Variants in GALNT16 observed in about 807,000 individuals in gnomAD.
GALNT16 encodes the protein UDP-GalNAc:polypeptide N-acetylgalactosaminyltransferase-like protein 1.
Under a neutral mutation model 76.1 loss-of-function variants are expected in GALNT16, and 40 were observed. The ratio of observed to expected loss-of-function variants is 0.53; its 90% confidence interval spans 0.41 to 0.68. GALNT16 has a LOEUF of 0.68. GALNT16 is among the 30% of genes least tolerant of loss of function. The probability of loss-of-function intolerance (pLI) is 0.00; values close to 1 mark genes in which losing one functional copy is unlikely to be tolerated. For missense variants in GALNT16, 621 were observed against 731.9 expected, an observed-to-expected ratio of 0.85 and a Z score of 1.75; for synonymous variants, 276 against 285.2, an observed-to-expected ratio of 0.97 and a Z score of 0.32.
the GALNT16 span, among the ~76,000 whole-genome samples, chr14:69,378,944 T>C: frequency 6.6e-6 from 1 of 152,004 alleles, no homozygotes; most frequent in Non-Finnish European, 1.5e-5. Context: ...TAGCTTTATT[T>C]ATTTTTTTTT....
At chr14:69,369,085 G>A in the GALNT16 span, among the ~76,000 whole-genome samples, 3 of 152,190 alleles carry the variant, frequency 2.0e-5, no homozygotes, top group African/African-American at 7.2e-5. Flanking sequence ...ACGAGAGAAT[G>A]ATGACTGACT....
intron 1 of GALNT16, among the ~76,000 whole-genome samples, chr14:69,314,237 G>A (rs2045069245): frequency 6.6e-6 from 1 of 152,220 alleles, no homozygotes; most frequent in East Asian, 1.9e-4. Context: ...TTATGTGCCA[G>A]GCACTGTGCA....
intron 1 of GALNT16, among the ~76,000 whole-genome samples, chr14:69,279,077 G>A (rs541097845): frequency 2.4e-4 from 37 of 152,040 alleles, no homozygotes; most frequent in East Asian, 2.1e-3. Context: ...GATTACAGGC[G>A]CTCGCCACCA....
At chr14:69,380,650 GA>G in the GALNT16 span, 2 of 1,544,978 alleles carry the variant, frequency 1.3e-6, no homozygotes, top group Non-Finnish European at 1.8e-6. Flanking sequence ...ACTGAGGAGA[GA>G]AAGGGAATAA....
intron 1 of GALNT16, among the ~76,000 whole-genome samples, chr14:69,316,076 G>T (rs917852000): frequency 6.6e-6 from 1 of 152,218 alleles, no homozygotes; most frequent in Non-Finnish European, 1.5e-5. Flanking sequence ...GATTGGCCTA[G>T]CCAGGGTCTT....
rs138850368 is a variant in GALNT16, at chr14:69,325,963, G to A, written c.504G>A (p.Pro168=). 3.2e-4 allele frequency: 511 copies of A among 1,613,640 alleles called. 1 individual carries two copies. Among genetic ancestry groups the A allele is most frequent in the South Asian group, 4.9e-4 (45 of 91,072 alleles). Reference sequence around the variant, plus strand: ...TTGCCTTCCTCTTTGCATCCTCAGCGGAAGACTGTCTACTCCTGACCAGGA... The same window carrying A: ...TTGCCTTCCTCTTTGCATCCTCAGCAGAAGACTGTCTACTCCTGACCAGGA... The part of the protein sequence containing the change: ...IILVDDFSSD[P]EDCLLLTRIP... The change falls in exon 5 of 15, where the codon CCG becomes CCA. Residue 168 remains proline (P), a splice_region_variant and synonymous_variant. Coordinates refer to ENST00000448469, the MANE Select transcript of GALNT16 (RefSeq NM_001168368.2).
At chr14:69,339,781 G>T (rs567062401) in intron 11 of GALNT16, among the ~76,000 whole-genome samples, 162 bp downstream of exon 11, 2 of 152,226 alleles carry the variant, frequency 1.3e-5, no homozygotes, top group African/African-American at 4.8e-5. Flanking sequence ...GAATGCAACC[G>T]CAGAGACAAG....
chr14:69,360,834 T>C (rs945710597), downstream of GALNT16, among the ~76,000 whole-genome samples: 1 of 152,258 alleles, frequency 6.6e-6, no homozygotes, highest in Non-Finnish European at 1.5e-5. Context: ...GCCACTGTTC[T>C]GGTGACTGAG....
chr14:69,329,085 C>A (rs1055116079), intron 6 of GALNT16, among the ~76,000 whole-genome samples: 1 of 152,138 alleles, frequency 6.6e-6, no homozygotes, highest in African/African-American at 2.4e-5. Context: ...GGGCCTGGAG[C>A]GGTGGCTCAC....
At position 69,261,352 on chromosome 14, in the gene GALNT16, G is replaced by C. The variant is rs1283536944; in HGVS notation, c.177+885G>C. Among the ~76,000 whole-genome samples, 1 of 152,202 alleles carries C rather than the reference G, an allele frequency of 6.6e-6. No homozygotes were observed. Among genetic ancestry groups the C allele is most frequent in the Non-Finnish European group, 1.5e-5 (1 of 68,034 alleles). ...CAGGTGACAGAGCTGTGCGTGGCCA[G>C]GCAGGGGCACCTGTTGAGGCGGGAG... On this transcript the variant is annotated intron_variant, in intron 1 of 14. Coordinates refer to ENST00000448469, the MANE Select transcript of GALNT16 (RefSeq NM_001168368.2). This position sits in a 1 kb window ranked among gnomAD's most constrained non-coding sequence, Gnocchi z 6.4.
At chr14:69,320,161 C>T (rs1018005601) in intron 1 of GALNT16, among the ~76,000 whole-genome samples, 1 of 152,226 alleles carries the variant, frequency 6.6e-6, no homozygotes, top group Non-Finnish European at 1.5e-5. Flanking sequence ...TAAATCCAGA[C>T]CTTGTGACTT....
chr14:69,359,243 A>T (rs1193700220), downstream of GALNT16: 1 of 152,250 alleles, frequency 6.6e-6, no homozygotes, highest in Non-Finnish European at 1.5e-5. Context: ...ACAGCACAGA[A>T]CCTGCTTCTC....
At chr14:69,375,593 C>T in the GALNT16 span, among the ~76,000 whole-genome samples, 1 of 152,134 alleles carries the variant, frequency 6.6e-6, no homozygotes, top group Non-Finnish European at 1.5e-5. Context: ...ATCCTATCTT[C>T]TTTTGGATTC....
chr14:69,272,475 A>T (rs1287611657), intron 1 of GALNT16, among the ~76,000 whole-genome samples: 1 of 152,202 alleles, frequency 6.6e-6, no homozygotes, highest in Non-Finnish European at 1.5e-5. Flanking sequence ...TACATATATG[A>T]CAGTGGTCCC....
At chr14:69,371,127 A>T in the GALNT16 span, among the ~76,000 whole-genome samples, 1 of 152,232 alleles carries the variant, frequency 6.6e-6, no homozygotes, top group South Asian at 2.1e-4. Context: ...GTTGAACAAG[A>T]TTCCTTGCCT....
At chr14:69,338,583 C>T in intron 9 of GALNT16, 68 bp from the exon 10 acceptor site, 1 of 1,587,412 alleles carries the variant, frequency 6.3e-7, no homozygotes, top group Non-Finnish European at 8.6e-7. Flanking sequence ...GGAAGGGAAG[C>T]CAGCCCCTTC....
At chr14:69,311,821 G>A (rs2045024511) in intron 1 of GALNT16, among the ~76,000 whole-genome samples, 1 of 152,176 alleles carries the variant, frequency 6.6e-6, no homozygotes, top group African/African-American at 2.4e-5. Flanking sequence ...ACCTCAGTTG[G>A]TGGGGCAGAA....
At chr14:69,337,845 C>T (rs1324159131) in intron 9 of GALNT16, among the ~76,000 whole-genome samples, 1 of 152,122 alleles carries the variant, frequency 6.6e-6, no homozygotes, top group Admixed American at 6.5e-5. Flanking sequence ...GCCCCCAGGC[C>T]TGGTTGGAGA....
intron 1 of GALNT16, among the ~76,000 whole-genome samples, chr14:69,279,814 G>C (rs940794513): frequency 1.3e-5 from 2 of 152,238 alleles, no homozygotes; most frequent in African/African-American, 2.4e-5. Context: ...TCATGGGATT[G>C]TAGCCTGAAT....
Sources: gnomAD v4.1 joint callset for allele counts (sites outside exome capture counted in the v4.1 genomes callset) on GRCh38, gnomAD v4.1.1 for gene constraint, Gnocchi (gnomAD v3.1) non-coding constraint, MANE v1.5 for transcripts, NCBI Gene and HGNC (gene_info 2026-07-23, HGNC 2026-07-21) for gene names.